ATOH8: variants seen among roughly 807,000 people sequenced by gnomAD.
ATOH8 encodes the protein atonal bHLH transcription factor 8.
Under a neutral mutation model 21.2 loss-of-function variants are expected in ATOH8, and 9 were observed. That is an observed-to-expected ratio of 0.42 (90% CI 0.26 to 0.74). The LOEUF (loss-of-function observed/expected upper bound fraction) is 0.74, where lower values mean the gene tolerates loss of function less well. Among genes scored for constraint, ATOH8 ranks in the 30% least tolerant of loss-of-function variants. The pLI is 0.24. For missense variants in ATOH8, 524 were observed against 470.9 expected (o/e 1.11, Z -1.04); for synonymous variants, 253 against 224.0 (o/e 1.13, Z -1.16).
chr2:85,756,119 G>A (rs1435661389), intron 1 of ATOH8, among the ~76,000 whole-genome samples: 1 of 127,220 alleles, frequency 7.9e-6, no homozygotes, highest in Non-Finnish European at 1.6e-5. Flanking sequence ...GAGGAAAGAG[G>A]CCCTATGACT....
rs3731825 is a variant in ATOH8, at chr2:85,790,806, C to T, written c.*3916C>T. On this transcript the variant is annotated 3_prime_UTR_variant, in exon 3 of 3. Transcript: ENST00000306279. Reference sequence around the variant, plus strand: ...GCTAATTAGGATAAGACAGGGGCCGCGCTGTGGTCAGCCGTGGGAAGCCGG... The same window carrying T: ...GCTAATTAGGATAAGACAGGGGCCGTGCTGTGGTCAGCCGTGGGAAGCCGG... 2.5e-3 allele frequency among the ~76,000 whole-genome samples: 375 copies of T among 152,308 alleles called. 10 individuals carry two copies. In the East Asian group the frequency reaches 0.047, roughly 19 times the overall value.
chr2:85,762,031 C>T (rs1055664671), intron 1 of ATOH8, among the ~76,000 whole-genome samples: 5 of 99,752 alleles, frequency 5.0e-5, no homozygotes, highest in East Asian at 2.7e-4. Context: ...AGGGCAGGCA[C>T]GTGTCCTGGC....
chr2:85,769,221 AC>A (rs1680110567), intron 2 of ATOH8, among the ~76,000 whole-genome samples: 1 of 152,244 alleles, frequency 6.6e-6, no homozygotes, highest in African/African-American at 2.4e-5. Flanking sequence ...AACTACAACA[AC>A]AGCTACTCAA....
chr2:85,754,549 A>G lies in ATOH8; in HGVS notation c.360A>G (p.Gly120=). The G allele has an allele frequency of 7.0e-7, 1 of 1,438,160 alleles. No individual in the cohort carries two copies. Among genetic ancestry groups the G allele is most frequent in the East Asian group, 2.8e-5 (1 of 35,410 alleles). The allele number at this position is 1,438,160 out of a possible 1,614,324, so 89.1% of individuals were successfully genotyped here. The change falls in exon 1 of 3, where the codon GGA becomes GGG. Residue 120 remains glycine (G), a synonymous_variant. Transcript: ENST00000306279. ...RCFALGAVGP[G]LPTPPPPPPP... ...TCGCCCTAGGCGCAGTGGGGCCAGG[A>G]CTCCCCACGCCGCCGCCGCCGCCGC... is the stretch of plus-strand genomic sequence containing the variant.
intron 2 of ATOH8, among the ~76,000 whole-genome samples, chr2:85,767,580 T>TTCCCTCCCCTCC (rs1680052335): frequency 1.0e-4 from 8 of 79,290 alleles, no homozygotes; most frequent in African/African-American, 4.2e-4. Context: ...CCCTCCCCTC[T>TTCCCTCCCCTCC]CCTTCCCTTC....
chr2:85,757,380 C>G (rs1031384991), intron 1 of ATOH8, among the ~76,000 whole-genome samples: 2 of 152,252 alleles, frequency 1.3e-5, no homozygotes, highest in East Asian at 1.9e-4. Context: ...CTCCGCACCC[C>G]CTCCCCGAAT....
chr2:85,784,701 C>T (rs1352691874), intron 2 of ATOH8, among the ~76,000 whole-genome samples: 1 of 152,216 alleles, frequency 6.6e-6, no homozygotes, highest in East Asian at 1.9e-4. Flanking sequence ...CCTCACCTAG[C>T]TGGTGTTCAC....
intron 2 of ATOH8, among the ~76,000 whole-genome samples, chr2:85,772,242 G>A (rs76918510): frequency 0.055 from 8,300 of 152,264 alleles, 713 homozygotes; most frequent in East Asian, 0.24. Flanking sequence ...TGCCGCCGGC[G>A]AGGACTGACA....
At chr2:85,775,258 A>G (rs1680291533) in intron 2 of ATOH8, 2 of 984,884 alleles carry the variant, frequency 2.0e-6, no homozygotes, top group African/African-American at 3.5e-5. Flanking sequence ...GGCACATACT[A>G]GGGCCCCCAA....
chr2:85,754,548 G>T lies in ATOH8; in HGVS notation c.359G>T (p.Gly120Val). 6.9e-7 allele frequency: 1 copy of T among 1,439,250 alleles called. No homozygotes were observed. Among genetic ancestry groups the T allele is most frequent in the Non-Finnish European group, 9.0e-7 (1 of 1,108,184 alleles). The allele number at this position is 1,439,250 out of a possible 1,614,324, so 89.2% of individuals were successfully genotyped here. ...RCFALGAVGP[G>V]LPTPPPPPPP... ...TTCGCCCTAGGCGCAGTGGGGCCAG[G>T]ACTCCCCACGCCGCCGCCGCCGCCG... is the stretch of plus-strand genomic sequence containing the variant. The change falls in exon 1 of 3, where the codon GGA becomes GTA. Residue 120 changes from glycine (G) to valine (V), a missense_variant. Physicochemically the swap from Gly to Val is moderately radical, Grantham distance 109. Coordinates refer to ENST00000306279, the MANE Select transcript of ATOH8 (RefSeq NM_032827.7).
rs1680639332 is a variant in ATOH8, at chr2:85,787,082, G to A, written c.*192G>A. On this transcript the variant is annotated 3_prime_UTR_variant, in exon 3 of 3. Transcript: ENST00000306279. ...CCCTCCGCCCTCACCCAGCCAATCCGAGGCTGCTTCGCACTTTGCCCTCTG... is the reference window on the plus strand; with the variant it reads ...CCCTCCGCCCTCACCCAGCCAATCCAAGGCTGCTTCGCACTTTGCCCTCTG... 1 of 683,456 alleles carries A rather than the reference G, an allele frequency of 1.5e-6. No individual in the cohort carries two copies. Among genetic ancestry groups the A allele is most frequent in the Non-Finnish European group, 2.4e-6 (1 of 411,696 alleles). 42.3% of individuals were successfully genotyped at this position (683,456 alleles called of 1,614,324 possible).
At chr2:85,773,030 G>A (rs182082680) in intron 2 of ATOH8, 14 of 361,614 alleles carry the variant, frequency 3.9e-5, no homozygotes, top group Middle Eastern at 5.7e-4. Flanking sequence ...GCTTGGGAGC[G>A]CATCTCAGTG....
At position 85,789,904 on chromosome 2, in the gene ATOH8, C is replaced by G. The variant is rs1008362943; in HGVS notation, c.*3014C>G. 2.6e-5 allele frequency among the ~76,000 whole-genome samples: 4 copies of G among 152,180 alleles called. No homozygotes were observed. The highest frequency in any genetic ancestry group is 7.2e-5 in the African/African-American group (3 of 41,442). On this transcript the variant is annotated 3_prime_UTR_variant, in exon 3 of 3. Coordinates refer to ENST00000306279, the MANE Select transcript of ATOH8 (RefSeq NM_032827.7). ...CTCCTCTCCTTTCCCAGCTTCCTCT[C>G]CAGCACAGCAACTTGTGTTCGTATG...
chr2:85,779,187 T>G lies in ATOH8; in HGVS notation c.961-7698T>G, dbSNP rs1680416854. On this transcript the variant is annotated intron_variant, in intron 2 of 2. Coordinates refer to ENST00000306279, the MANE Select transcript of ATOH8 (RefSeq NM_032827.7). ...CATCTGGAAGAGCAGTGAAGCCAAG[T>G]GCGATGACCGGACAGCATCGCAGGA... Among the ~76,000 whole-genome samples the G allele has an allele frequency of 2.0e-5, 3 of 152,228 alleles. No individual in the cohort carries two copies. In the South Asian group the frequency reaches 6.2e-4, roughly 31 times the overall value.
Position 85,754,298 on chromosome 2 carries a change from G to C in ATOH8, c.109G>C (p.Ala37Pro). Reference protein sequence around the residue: ...KRKGKEPARRANGYKTFRLDL... With the variant: ...KRKGKEPARRPNGYKTFRLDL... ...GAAAGGCAAGGAGCCGGCGCGGCGC[G>C]CGAACGGCTATAAAACTTTCCGACT... is the stretch of plus-strand genomic sequence containing the variant. Residue 37 changes from alanine (A) to proline (P), a missense_variant, in exon 1 of 3, where the codon GCG becomes CCG. Transcript: ENST00000306279. The C allele has an allele frequency of 6.2e-7, 1 of 1,609,936 alleles. No homozygotes were observed.
rs778283529 is a variant in ATOH8 at position 85,754,694 on chromosome 2, C to G, written c.505C>G (p.Pro169Ala). 3 of 1,605,048 alleles carry G rather than the reference C, an allele frequency of 1.9e-6. No homozygotes were observed. Among genetic ancestry groups the G allele is most frequent in the Non-Finnish European group, 2.6e-6 (3 of 1,176,256 alleles). Residue 169 changes from proline (P) to alanine (A), a missense_variant, in exon 1 of 3, where the codon CCA becomes GCA. Pro to Ala is a conservative substitution (Grantham distance 27). Coordinates refer to ENST00000306279, the MANE Select transcript of ATOH8 (RefSeq NM_032827.7). The stretch of plus-strand genomic sequence containing the variant: ...CGCGCGCCCCGCGCCGTCAGCACCC[C>G]CAGCACCGCCAGCGCCCCCGGAGTC... ...PPARPAPSAP[P>A]APPAPPESTV...
At chr2:85,784,790 G>T (rs1680581341) in intron 2 of ATOH8, among the ~76,000 whole-genome samples, 1 of 152,216 alleles carries the variant, frequency 6.6e-6, no homozygotes, top group African/African-American at 2.4e-5. Context: ...CAGAGCGGGA[G>T]AGTGAGTTAC....
chr2:85,778,205 G>A (rs948845565), intron 2 of ATOH8, among the ~76,000 whole-genome samples: 3 of 152,240 alleles, frequency 2.0e-5, no homozygotes, highest in Non-Finnish European at 4.4e-5. Context: ...GGTAGAATGG[G>A]GAAGTCAGGA....
intron 2 of ATOH8, chr2:85,772,478 C>T (rs925173654): frequency 1.0e-4 from 34 of 332,442 alleles, no homozygotes; most frequent in South Asian, 6.3e-4. Context: ...GCTGGCGCCA[C>T]GGAGGGCAGA....
Sources: allele counts gnomAD v4.1 joint callset (sites outside exome capture counted in the v4.1 genomes callset), GRCh38; gene constraint gnomAD v4.1.1; transcripts MANE v1.5; gene names NCBI Gene and HGNC (gene_info 2026-07-23, HGNC 2026-07-21).